The following ADCY8 variants were observed in gnomAD, a reference collection of about 807,000 sequenced individuals.
ADCY8 encodes the protein adenylate cyclase type 8.
In ADCY8, 51 loss-of-function variants were observed where a neutral mutation model predicts 119.7. That is an observed-to-expected ratio of 0.43 (90% CI 0.34 to 0.54). The LOEUF (loss-of-function observed/expected upper bound fraction) is 0.54. Among genes scored for constraint, ADCY8 ranks in the 20% least tolerant of loss-of-function variants. ADCY8 has a pLI of 0.03. For missense variants in ADCY8, 1,383 were observed against 1,598.8 expected, an observed-to-expected ratio of 0.87 and a Z score of 2.30; for synonymous variants, 665 against 651.0, an observed-to-expected ratio of 1.02 and a Z score of -0.33.
chr8:130,908,491 G>C (rs1352008189), intron 6 of ADCY8, among the ~76,000 whole-genome samples: 3 of 151,280 alleles, frequency 2.0e-5, no homozygotes, highest in Non-Finnish European at 4.4e-5. Flanking sequence ...AACTGACCTG[G>C]GGTGTCCCTG....
intron 13 of ADCY8, among the ~76,000 whole-genome samples, chr8:130,814,925 T>G (rs1168146306): frequency 6.6e-6 from 1 of 152,232 alleles, no homozygotes; most frequent in Admixed American, 6.5e-5. Context: ...ACATCCTTAC[T>G]GTTACAGACT....
chr8:130,951,074 T>G (rs1821255270), intron 3 of ADCY8, among the ~76,000 whole-genome samples: 1 of 152,246 alleles, frequency 6.6e-6, no homozygotes, highest in Non-Finnish European at 1.5e-5. Context: ...TGAACTACAA[T>G]GTACCGAATG....
chr8:130,813,988 C>T, intron 14 of ADCY8, 81 bp downstream of exon 14: 1 of 1,536,080 alleles, frequency 6.5e-7, no homozygotes, highest in Non-Finnish European at 8.9e-7. Flanking sequence ...TGAAATTCTC[C>T]CAGAGTTTGG....
At chr8:130,948,877 G>A (rs1318708172) in intron 3 of ADCY8, among the ~76,000 whole-genome samples, 1 of 152,074 alleles carries the variant, frequency 6.6e-6, no homozygotes, top group Admixed American at 6.6e-5. Context: ...GCACCCTGCA[G>A]CCTCGCAGTG....
chr8:130,943,720 C>A (rs1821028692), intron 3 of ADCY8, among the ~76,000 whole-genome samples: 1 of 152,042 alleles, frequency 6.6e-6, no homozygotes, highest in African/African-American at 2.4e-5. Flanking sequence ...GTAGAGTGGG[C>A]AATGCAAACA....
intron 15 of ADCY8, among the ~76,000 whole-genome samples, chr8:130,790,454 C>T (rs1815391063): frequency 6.6e-6 from 1 of 152,162 alleles, no homozygotes; most frequent in Non-Finnish European, 1.5e-5. Context: ...TTGTGACCTG[C>T]ATGTCAAAGT....
chr8:130,783,591 G>T (rs1396100868), intron 17 of ADCY8, 100 bp downstream of exon 17: 2 of 747,652 alleles, frequency 2.7e-6, no homozygotes, highest in Non-Finnish European at 4.5e-6. Context: ...ATTGCATTTT[G>T]CAGGAAAAAG....
chr8:130,981,296 G>A (rs1476362184), intron 2 of ADCY8, among the ~76,000 whole-genome samples: 1 of 152,054 alleles, frequency 6.6e-6, no homozygotes, highest in Non-Finnish European at 1.5e-5. Context: ...TAGAATTCTG[G>A]TCAACTGACC....
At chr8:130,943,300 T>A (rs774103419) in intron 4 of ADCY8, 51 bp downstream of exon 4, 2 of 1,285,874 alleles carry the variant, frequency 1.6e-6, no homozygotes, top group East Asian at 2.3e-5. Flanking sequence ...TTATTCCATA[T>A]GCAGTCCCTC....
intron 4 of ADCY8, among the ~76,000 whole-genome samples, chr8:130,942,019 G>A (rs939751595): frequency 1.3e-5 from 2 of 152,018 alleles, no homozygotes; most frequent in South Asian, 4.1e-4. Context: ...ATATAAATCA[G>A]CTATGTAATC....
intron 1 of ADCY8, among the ~76,000 whole-genome samples, chr8:131,014,462 A>G (rs953672140): frequency 6.6e-6 from 1 of 152,216 alleles, no homozygotes; most frequent in Non-Finnish European, 1.5e-5. Context: ...TTTTAAAAAT[A>G]AATATGCTTA....
intron 11 of ADCY8, among the ~76,000 whole-genome samples, chr8:130,841,456 C>G (rs1182996917): frequency 6.6e-6 from 1 of 152,164 alleles, no homozygotes; most frequent in African/African-American, 2.4e-5. Context: ...AACAACTGAA[C>G]CTGTTTCCAT....
At chr8:130,919,027 C>A (rs907662030) in intron 5 of ADCY8, among the ~76,000 whole-genome samples, 2 of 152,208 alleles carry the variant, frequency 1.3e-5, no homozygotes, top group African/African-American at 2.4e-5. Context: ...CATGCCACTG[C>A]ATTCCAGCCT....
chr8:130,915,527 G>A (rs1359865248), intron 5 of ADCY8, among the ~76,000 whole-genome samples: 1 of 152,132 alleles, frequency 6.6e-6, no homozygotes, highest in Non-Finnish European at 1.5e-5. Context: ...TACTGCTTGT[G>A]GATGTCAGGC....
intron 5 of ADCY8, among the ~76,000 whole-genome samples, chr8:130,913,903 C>T (rs1430495094): frequency 6.6e-6 from 1 of 152,072 alleles, no homozygotes; most frequent in Non-Finnish European, 1.5e-5. Flanking sequence ...GCAACATGAA[C>T]TTAGAGAAGT....
At chr8:130,881,840 C>T (rs1354102995) in intron 8 of ADCY8, among the ~76,000 whole-genome samples, 1 of 143,900 alleles carries the variant, frequency 6.9e-6, no homozygotes, top group Non-Finnish European at 1.5e-5. Context: ...AAATTAAATT[C>T]TCTGATAATT....
At chr8:130,819,513 C>T (rs891951068) in intron 13 of ADCY8, among the ~76,000 whole-genome samples, 7 of 152,148 alleles carry the variant, frequency 4.6e-5, no homozygotes, top group Non-Finnish European at 1.0e-4. Context: ...AGAGACAGAA[C>T]CATTCTCCTT....
intron 15 of ADCY8, among the ~76,000 whole-genome samples, chr8:130,798,901 T>G (rs182743211): frequency 9.0e-4 from 136 of 151,920 alleles, no homozygotes; most frequent in Non-Finnish European, 1.6e-3. Context: ...CACACACACA[T>G]GCACACACCA....
At chr8:130,824,088 G>T (rs964867914) in intron 12 of ADCY8, among the ~76,000 whole-genome samples, 2 of 152,106 alleles carry the variant, frequency 1.3e-5, no homozygotes, top group African/African-American at 4.8e-5. Flanking sequence ...TTGTGTCAGA[G>T]CCAGGATGAG....
Sources: gnomAD v4.1 joint callset for allele counts (sites outside exome capture counted in the v4.1 genomes callset) on GRCh38, gnomAD v4.1.1 for gene constraint, MANE v1.5 for transcripts, NCBI Gene and HGNC (gene_info 2026-07-23, HGNC 2026-07-21) for gene names.